REXO2: variants seen among roughly 807,000 people sequenced by gnomAD.
REXO2 encodes the protein RNA exonuclease 2.
In REXO2, 17 loss-of-function variants were observed where a neutral mutation model predicts 30.9. The observed-to-expected ratio is 0.55, with a 90% confidence interval of 0.38 to 0.82. The LOEUF (loss-of-function observed/expected upper bound fraction) is 0.82. Ranked by LOEUF, REXO2 falls within the 40% of genes least tolerant of loss-of-function variation. REXO2 has a pLI of 0.00. For missense variants in REXO2, 253 were observed against 293.2 expected, an observed-to-expected ratio of 0.86 and a Z score of 1.00; for synonymous variants, 105 against 99.6, an observed-to-expected ratio of 1.05 and a Z score of -0.32.
At chr11:114,444,742 A>G in intron 4 of REXO2, 90 bp downstream of exon 4, 3 of 721,034 alleles carry the variant, frequency 4.2e-6, no homozygotes, top group East Asian at 6.2e-5. Flanking sequence ...GAGCCCATCC[A>G]TGTCTTCCAC....
At chr11:114,441,459 T>C (rs892622423) in intron 2 of REXO2, among the ~76,000 whole-genome samples, 6 of 152,226 alleles carry the variant, frequency 3.9e-5, no homozygotes, top group Non-Finnish European at 7.3e-5. Context: ...AACTGAAACA[T>C]TTAGCAAAAC....
intron 2 of REXO2, among the ~76,000 whole-genome samples, chr11:114,441,382 T>G (rs1184959014): frequency 6.6e-6 from 1 of 152,238 alleles, no homozygotes; most frequent in African/African-American, 2.4e-5. Context: ...TTTCTGTTAG[T>G]GCACACCCGT....
At position 114,449,875 on chromosome 11, in the gene REXO2, A is replaced by G. The variant is rs369870387; in HGVS notation, c.614A>G (p.Lys205Arg). 1.2e-5 allele frequency: 19 copies of G among 1,610,310 alleles called. No homozygotes were observed. The highest frequency in any genetic ancestry group is 2.2e-5 in the East Asian group (1 of 44,736). The part of the protein sequence containing the change: ...RALDDISESI[K>R]ELQFYRNNIF... Reference sequence around the variant, plus strand: ...CTTGATGACATTAGTGAAAGCATCAAAGAGCTTCAGTTTTACCGAAATAAC... The same window carrying G: ...CTTGATGACATTAGTGAAAGCATCAGAGAGCTTCAGTTTTACCGAAATAAC... Residue 205 changes from lysine (K) to arginine (R), a missense_variant, in exon 7 of 7, where the codon AAA becomes AGA. Transcript: ENST00000265881.
intron 2 of REXO2, among the ~76,000 whole-genome samples, chr11:114,441,302 T>A (rs947999428): frequency 1.3e-5 from 2 of 152,210 alleles, no homozygotes; most frequent in Non-Finnish European, 2.9e-5. Flanking sequence ...TTAACTTGAC[T>A]CCATATTTAC....
Position 114,443,945 on chromosome 11 carries a change from A to G in REXO2, c.309+12A>G, listed in dbSNP as rs1299727818. The G allele has an allele frequency of 6.3e-7, 1 of 1,588,114 alleles. No homozygotes were observed. Among genetic ancestry groups the G allele is most frequent in the Non-Finnish European group, 8.6e-7 (1 of 1,161,876 alleles). Reference sequence around the variant, plus strand: ...AGCATCACGGGAAGGTAACATTACCAAATAACAGGATTGCTGCTTTGGGGA... The same window carrying G: ...AGCATCACGGGAAGGTAACATTACCGAATAACAGGATTGCTGCTTTGGGGA... On this transcript the variant is annotated intron_variant, in intron 3 of 6. Coordinates refer to ENST00000265881, the MANE Select transcript of REXO2 (RefSeq NM_015523.4).
chr11:114,442,791 C>T (rs1310011038), intron 2 of REXO2, among the ~76,000 whole-genome samples: 1 of 152,168 alleles, frequency 6.6e-6, no homozygotes, highest in African/African-American at 2.4e-5. Context: ...CAGGACTTAT[C>T]TGAGAGACTC....
At chr11:114,442,591 C>T (rs1457363476) in intron 2 of REXO2, among the ~76,000 whole-genome samples, 2 of 152,112 alleles carry the variant, frequency 1.3e-5, no homozygotes, top group East Asian at 1.9e-4. Flanking sequence ...GTTTTTACCA[C>T]CTTAGTAGTA....
At chr11:114,444,495 A>T in intron 3 of REXO2, 46 bp from the exon 4 acceptor site, 1 of 1,386,424 alleles carries the variant, frequency 7.2e-7, no homozygotes, top group Non-Finnish European at 1.0e-6. Context: ...TTGAAAACTG[A>T]CTTTACATGT....
At position 114,440,682 on chromosome 11, in the gene REXO2, C is replaced by T; in HGVS notation, c.174C>T (p.Asp58=). Reference sequence around the variant, plus strand: ...TGACAGGATTGGACATTGAGAAGGACCAGATTATTGAGATGGCCTGTCTGA... The same window carrying T: ...TGACAGGATTGGACATTGAGAAGGATCAGATTATTGAGATGGCCTGTCTGA... ...LEMTGLDIEK[D]QIIEMACLIT... is the part of the protein sequence containing the mutation. The change falls in exon 2 of 7, where the codon GAC becomes GAT. Residue 58 remains aspartate, a synonymous_variant. Transcript: ENST00000265881. 1 of 1,613,430 alleles carries T rather than the reference C, an allele frequency of 6.2e-7. No homozygotes were observed. The highest frequency in any genetic ancestry group is 8.5e-7 in the Non-Finnish European group (1 of 1,179,570).
chr11:114,446,254 T>G (rs1946509254), intron 5 of REXO2, 167 bp downstream of exon 5: 1 of 428,084 alleles, frequency 2.3e-6, no homozygotes, highest in East Asian at 3.5e-5. Flanking sequence ...CCTGGACTGG[T>G]GAGAATTGGG....
Position 114,439,564 on chromosome 11 carries a change from G to A in REXO2, c.36G>A (p.Arg12=). The A allele has an allele frequency of 6.2e-7, 1 of 1,609,518 alleles. No individual in the cohort carries two copies. The highest frequency in any genetic ancestry group is 1.1e-5 in the South Asian group (1 of 90,996). Residue 12 remains arginine (R), a synonymous_variant, in exon 1 of 7, where the codon CGG becomes CGA. Coordinates refer to ENST00000265881, the MANE Select transcript of REXO2 (RefSeq NM_015523.4). ...GCTCCCTGGGCTCCAGGCTGTTGCG[G>A]GGTGTAGGTGGGAGTCACGGACGGT... ...LGGSLGSRLL[R]GVGGSHGRFG... is the part of the protein sequence containing the mutation.
At chr11:114,444,343 T>A in intron 3 of REXO2, 198 bp from the exon 4 acceptor site, 1 of 636,972 alleles carries the variant, frequency 1.6e-6, no homozygotes. Context: ...ACAGTCAGGA[T>A]CATAACTAAG....
chr11:114,444,105 C>T (rs1253847519), intron 3 of REXO2, 172 bp downstream of exon 3: 7 of 677,096 alleles, frequency 1.0e-5, no homozygotes, highest in African/African-American at 3.5e-5. Context: ...TGGGACCTCT[C>T]GAGATCATCT....
At position 114,443,847 on chromosome 11, in the gene REXO2, C is replaced by A; in HGVS notation, c.232-9C>A. On this transcript the variant is annotated splice_polypyrimidine_tract_variant and intron_variant, in intron 2 of 6. Transcript: ENST00000265881. Reference sequence around the variant, plus strand: ...TTTCTTGGTGACTGATGGCGTTTCCCATCCACAGGGTCCTAACCTGATTAT... The same window carrying A: ...TTTCTTGGTGACTGATGGCGTTTCCAATCCACAGGGTCCTAACCTGATTAT... 2.5e-6 allele frequency: 4 copies of A among 1,599,534 alleles called. No individual in the cohort carries two copies. The highest frequency in any genetic ancestry group is 2.3e-5 in the South Asian group (2 of 88,294).
Position 114,440,753 on chromosome 11 carries a change from T to C in REXO2, c.231+14T>C. 6.4e-7 allele frequency: 1 copy of C among 1,556,658 alleles called. No homozygotes were observed. ...ATTTTGGCTGAAGTACGTGATGCCA[T>C]GTAATACAGTCATACTTTTTAAAGG... On this transcript the variant is annotated intron_variant, in intron 2 of 6. Coordinates refer to ENST00000265881, the MANE Select transcript of REXO2 (RefSeq NM_015523.4).
chr11:114,444,506 GT>G, intron 3 of REXO2, 34 bp from the exon 4 acceptor site: 3 of 1,496,120 alleles, frequency 2.0e-6, no homozygotes, highest in Non-Finnish European at 2.8e-6. Flanking sequence ...CTTTACATGT[GT>G]TTTTGGTGGG....
In REXO2 at chr11:114,443,207, A is replaced by AGTGATC. The variant is rs1946490904; in HGVS notation, c.232-648_232-643dup. On this transcript the variant is annotated intron_variant, in intron 2 of 6. Coordinates refer to ENST00000265881, the MANE Select transcript of REXO2 (RefSeq NM_015523.4). ...CTGTAACCTCGAACTCCTGGGTTCAAGTGATCTTCCTGCCTCAGCCTCCTG... is the reference window on the plus strand; with the variant it reads ...CTGTAACCTCGAACTCCTGGGTTCAAGTGATCGTGATCTTCCTGCCTCAGCCTCCTG... Among the ~76,000 whole-genome samples the AGTGATC allele has an allele frequency of 3.3e-5, 5 of 151,998 alleles. No individual in the cohort carries two copies. In the South Asian group the frequency reaches 8.3e-4, roughly 25 times the overall value.
intron 5 of REXO2, 127 bp from the exon 6 acceptor site, chr11:114,447,699 G>C: frequency 1.5e-6 from 1 of 688,896 alleles, no homozygotes; most frequent in Non-Finnish European, 2.4e-6. Flanking sequence ...AGAGGCCCCG[G>C]CAAAGAAGCA....
intron 2 of REXO2, chr11:114,441,117 C>CCT (rs1385528195): frequency 6.1e-6 from 1 of 162,686 alleles, no homozygotes; most frequent in East Asian, 1.8e-4. Context: ...GACACTTGAG[C>CCT]ATAGAGATGT....
Sources: gnomAD v4.1 joint callset for allele counts (sites outside exome capture counted in the v4.1 genomes callset) on GRCh38, gnomAD v4.1.1 for gene constraint, MANE v1.5 for transcripts, NCBI Gene and HGNC (gene_info 2026-07-23, HGNC 2026-07-21) for gene names.